STARD13: variants seen among roughly 807,000 people sequenced by gnomAD.
The protein encoded by STARD13 is stAR-related lipid transfer protein 13.
Under a neutral mutation model 106.4 loss-of-function variants are expected in STARD13, and 62 were observed. The observed-to-expected ratio is 0.58, with a 90% CI of 0.48 to 0.72. STARD13 has a LOEUF of 0.72. Among genes scored for constraint, STARD13 ranks in the 30% least tolerant of loss-of-function variants. The probability of loss-of-function intolerance (pLI) is 0.00; values close to 1 mark genes in which losing one functional copy is unlikely to be tolerated. For missense variants in STARD13, 1,387 were observed against 1,424.0 expected (o/e 0.97, Z 0.42); for synonymous variants, 565 against 553.0 (o/e 1.02, Z -0.31).
At chr13:33,181,327 C>T (rs1239342105) in intron 1 of STARD13, among the ~76,000 whole-genome samples, 1 of 151,994 alleles carries the variant, frequency 6.6e-6, no homozygotes, top group Non-Finnish European at 1.5e-5. Flanking sequence ...GTAAATATGT[C>T]TTAGGTAAAA....
chr13:33,408,367 C>T, the STARD13 span, among the ~76,000 whole-genome samples: 3 of 152,060 alleles, frequency 2.0e-5, no homozygotes, highest in Non-Finnish European at 4.4e-5. Flanking sequence ...TTTTATGGAT[C>T]TGACTTTTCT....
chr13:33,551,568 C>CTTTTTTTTTTTTTTTTTTTTTTTT, the STARD13 span, among the ~76,000 whole-genome samples: 28 of 44,794 alleles, frequency 6.3e-4, 14 homozygotes, highest in South Asian at 3.9e-3. Context: ...TTTGCTTTTC[C>CTTTTTTTTTTTTTTTTTTTTTTTT]CTTTTTTTTT....
the STARD13 span, among the ~76,000 whole-genome samples, chr13:33,421,035 TA>T: frequency 6.6e-6 from 1 of 151,840 alleles, no homozygotes; most frequent in Non-Finnish European, 1.5e-5. Flanking sequence ...ACAACACAAT[TA>T]AAAGAGCTAG....
the STARD13 span, among the ~76,000 whole-genome samples, chr13:33,671,434 T>C: frequency 6.6e-6 from 1 of 152,250 alleles, no homozygotes; most frequent in Non-Finnish European, 1.5e-5. Context: ...AATGCATATG[T>C]TATTTTAAAA....
intron 1 of STARD13, among the ~76,000 whole-genome samples, chr13:33,234,610 T>C (rs549126160): frequency 6.6e-4 from 100 of 152,234 alleles, no homozygotes; most frequent in Non-Finnish European, 1.4e-3. Flanking sequence ...TAGTTTCTTA[T>C]AACTTTTTTT....
intron 1 of STARD13, among the ~76,000 whole-genome samples, chr13:33,265,060 T>C (rs1012082317): frequency 2.0e-5 from 3 of 152,128 alleles, no homozygotes; most frequent in Non-Finnish European, 4.4e-5. Flanking sequence ...ATTTTCAGAG[T>C]AAGCCAGTTC....
intron 7 of STARD13, among the ~76,000 whole-genome samples, chr13:33,120,890 C>A (rs1876182627): frequency 6.6e-6 from 1 of 151,924 alleles, no homozygotes; most frequent in Non-Finnish European, 1.5e-5. Flanking sequence ...CAGGCACCTG[C>A]CACCACTTCC....
chr13:33,412,357 A>G, the STARD13 span, among the ~76,000 whole-genome samples: 1 of 152,196 alleles, frequency 6.6e-6, no homozygotes, highest in Non-Finnish European at 1.5e-5. Flanking sequence ...CACTATAGAA[A>G]GAGCAAAATG....
chr13:33,625,504 A>G, the STARD13 span, among the ~76,000 whole-genome samples: 1 of 152,038 alleles, frequency 6.6e-6, no homozygotes, highest in Non-Finnish European at 1.5e-5. Context: ...CGGGAGGCAG[A>G]GGTTGCAGTG....
the STARD13 span, among the ~76,000 whole-genome samples, chr13:33,446,514 AG>A: frequency 6.6e-6 from 1 of 152,154 alleles, no homozygotes; most frequent in Non-Finnish European, 1.5e-5. Flanking sequence ...GATTTCCTAT[AG>A]ATCTGAGATA....
the STARD13 span, among the ~76,000 whole-genome samples, chr13:33,640,721 G>T: frequency 1.3e-5 from 2 of 152,222 alleles, no homozygotes; most frequent in East Asian, 3.8e-4. Flanking sequence ...GCACCAAGAG[G>T]AAGTGAGTAC....
At chr13:33,618,304 C>T in the STARD13 span, among the ~76,000 whole-genome samples, 1 of 152,160 alleles carries the variant, frequency 6.6e-6, no homozygotes, top group Non-Finnish European at 1.5e-5. Context: ...ATATGTCAGT[C>T]ATTGAATAAA....
the STARD13 span, among the ~76,000 whole-genome samples, chr13:33,547,718 T>C: frequency 1.3e-5 from 2 of 152,206 alleles, no homozygotes; most frequent in Non-Finnish European, 2.9e-5. Flanking sequence ...TTTAAGACTA[T>C]ATCACAGTGC....
the STARD13 span, among the ~76,000 whole-genome samples, chr13:33,458,996 G>C: frequency 1.3e-5 from 2 of 151,700 alleles, no homozygotes; most frequent in African/African-American, 4.8e-5. Context: ...ACCCACCTTG[G>C]CCTCCCAAAG....
At chr13:33,196,986 A>G (rs1886667485) in intron 1 of STARD13, among the ~76,000 whole-genome samples, 1 of 152,234 alleles carries the variant, frequency 6.6e-6, no homozygotes, top group South Asian at 2.1e-4. Context: ...AACTTATAAA[A>G]TACATAAAGA....
the STARD13 span, among the ~76,000 whole-genome samples, chr13:33,620,832 G>T: frequency 6.6e-6 from 1 of 150,620 alleles, no homozygotes; most frequent in East Asian, 1.9e-4. Context: ...TTAATACATA[G>T]AAATGCCAAA....
chr13:33,200,797 A>T (rs9563215), intron 1 of STARD13, among the ~76,000 whole-genome samples: 1 of 151,722 alleles, frequency 6.6e-6, no homozygotes, highest in Non-Finnish European at 1.5e-5. Flanking sequence ...CAAGGTGGGC[A>T]GATCACGAGG....
exon 2 of STARD13, chr13:33,349,017 G>C (rs2078044093): frequency 1.4e-5 from 9 of 657,520 alleles, no homozygotes; most frequent in Non-Finnish European, 2.2e-5. Context: ...TGAGGATGTG[G>C]GTGCATGGGT....
intron 4 of STARD13, chr13:33,138,820 G>T (rs1043753607): frequency 4.3e-6 from 2 of 469,662 alleles, no homozygotes; most frequent in South Asian, 3.1e-5. Flanking sequence ...TCTTACAGAG[G>T]CAGGGAAGGT....
Sources: gnomAD v4.1 joint callset for allele counts (sites outside exome capture counted in the v4.1 genomes callset) on GRCh38, gnomAD v4.1.1 for gene constraint, MANE v1.5 for transcripts, NCBI Gene and HGNC (gene_info 2026-07-23, HGNC 2026-07-21) for gene names.